The following GABRG3 variants were observed in gnomAD, a reference collection of about 807,000 sequenced individuals.
GABRG3 encodes the protein gamma-aminobutyric acid type A receptor subunit gamma3.
GABRG3 carries 25 observed loss-of-function variants against 48.8 expected under a neutral mutation model. That is an observed-to-expected ratio of 0.51 (90% CI 0.37 to 0.72). The LOEUF (loss-of-function observed/expected upper bound fraction) is 0.72. Ranked by LOEUF, GABRG3 falls within the 30% of genes least tolerant of loss-of-function variation. The pLI, the probability that GABRG3 is intolerant of heterozygous loss-of-function variation, is 0.00. For missense variants in GABRG3, 394 were observed against 577.9 expected (o/e 0.68, Z 3.26); for synonymous variants, 227 against 217.6 (o/e 1.04, Z -0.38).
chr15:27,455,114 T>A (rs546971237), intron 5 of GABRG3, among the ~76,000 whole-genome samples: 1 of 152,348 alleles, frequency 6.6e-6, no homozygotes, highest in Admixed American at 6.5e-5. Context: ...AAGAGAATAT[T>A]CTTTTCATTG....
chr15:26,999,549 G>C (rs1895406414), intron 2 of GABRG3, among the ~76,000 whole-genome samples: 1 of 152,098 alleles, frequency 6.6e-6, no homozygotes, highest in Non-Finnish European at 1.5e-5. Context: ...TACTGGGTTT[G>C]AGCATTTTGA....
rs1893346685 is a variant in GABRG3 at position 27,319,500 on chromosome 15, A to T, written c.271-7309A>T. On this transcript the variant is annotated intron_variant, in intron 3 of 9. Coordinates refer to ENST00000615808, the MANE Select transcript of GABRG3 (RefSeq NM_033223.5). This position sits in a 1 kb window ranked among gnomAD's most constrained non-coding sequence, Gnocchi z 4.4. Reference sequence around the variant, plus strand: ...AATTTGCGGATAATTGTGATACGGCAGTTGAAGACATAGAGTGTTAACATA... The same window carrying T: ...AATTTGCGGATAATTGTGATACGGCTGTTGAAGACATAGAGTGTTAACATA... Among the ~76,000 whole-genome samples, 1 of 152,238 alleles carries T rather than the reference A, an allele frequency of 6.6e-6. No homozygotes were observed. Among genetic ancestry groups the T allele is most frequent in the Non-Finnish European group, 1.5e-5 (1 of 68,040 alleles).
At chr15:27,492,425 AG>A (rs1294275666) in intron 6 of GABRG3, among the ~76,000 whole-genome samples, 1 of 152,234 alleles carries the variant, frequency 6.6e-6, no homozygotes, top group Non-Finnish European at 1.5e-5. Context: ...TAAGATGGCT[AG>A]GCATGCAGCC....
At chr15:27,398,026 G>T (rs970990357) in intron 5 of GABRG3, among the ~76,000 whole-genome samples, 2 of 151,872 alleles carry the variant, frequency 1.3e-5, no homozygotes, top group Non-Finnish European at 2.9e-5. Flanking sequence ...GGATGGTCTC[G>T]ATCCCCTGAC....
chr15:27,414,865 A>C (rs570745605), intron 5 of GABRG3, among the ~76,000 whole-genome samples: 1 of 152,168 alleles, frequency 6.6e-6, no homozygotes, highest in Admixed American at 6.5e-5. Flanking sequence ...GTAGGTGTCA[A>C]AGTCTTCAGA....
At chr15:27,422,584 A>G (rs1008208104) in intron 5 of GABRG3, among the ~76,000 whole-genome samples, 13 of 152,234 alleles carry the variant, frequency 8.5e-5, no homozygotes, top group Admixed American at 7.9e-4. Flanking sequence ...TGAGGCATCC[A>G]TGGGAGTGGG....
At chr15:27,307,134 G>T (rs986195291) in intron 3 of GABRG3, among the ~76,000 whole-genome samples, 1 of 127,556 alleles carries the variant, frequency 7.8e-6, no homozygotes, top group South Asian at 2.4e-4. Flanking sequence ...ATATAAACAT[G>T]TTTATACATA....
intron 3 of GABRG3, among the ~76,000 whole-genome samples, chr15:27,303,004 T>A (rs1446075057): frequency 2.6e-5 from 4 of 151,968 alleles, no homozygotes; most frequent in South Asian, 4.2e-4. Flanking sequence ...TTTATAGTAT[T>A]AAGTGCTTAT....
chr15:27,061,092 A>G (rs189940576), intron 3 of GABRG3, among the ~76,000 whole-genome samples: 1 of 152,368 alleles, frequency 6.6e-6, no homozygotes, highest in East Asian at 1.9e-4. Context: ...GAATGAGGCA[A>G]TTGCCATTGC....
intron 2 of GABRG3, among the ~76,000 whole-genome samples, chr15:26,979,520 A>T (rs1427875295): frequency 1.3e-5 from 2 of 152,148 alleles, no homozygotes; most frequent in Non-Finnish European, 2.9e-5. Context: ...AGTTCTCTCT[A>T]TTCCTAGTAT....
At chr15:27,152,891 C>T (rs28794553) in intron 3 of GABRG3, among the ~76,000 whole-genome samples, 7,008 of 145,166 alleles carry the variant, frequency 0.048, 258 homozygotes, top group African/African-American at 0.098. Context: ...GATGGAGTCT[C>T]GCTCTGTCGC....
chr15:27,001,315 A>G (rs7495797), intron 2 of GABRG3, among the ~76,000 whole-genome samples: 32,958 of 152,190 alleles, frequency 0.22, 4,083 homozygotes, highest in African/African-American at 0.34. Flanking sequence ...TGTCACAAGC[A>G]ATTCTTGCCT....
intron 3 of GABRG3, among the ~76,000 whole-genome samples, chr15:27,244,069 A>T (rs969847117): frequency 6.6e-6 from 1 of 152,202 alleles, no homozygotes; most frequent in Admixed American, 6.5e-5. Context: ...CTTGGAGATG[A>T]AGAGCATATG....
intron 3 of GABRG3, among the ~76,000 whole-genome samples, chr15:27,233,509 G>A (rs2140448978): frequency 6.6e-6 from 1 of 152,236 alleles, no homozygotes; most frequent in African/African-American, 2.4e-5. Context: ...GTGTGCAGAA[G>A]GCCACCTTCT....
chr15:27,336,545 T>C (rs1205606773), intron 5 of GABRG3, among the ~76,000 whole-genome samples: 1 of 152,202 alleles, frequency 6.6e-6, no homozygotes, highest in Non-Finnish European at 1.5e-5. Flanking sequence ...CTGGCAAGGA[T>C]GTGGAAAACC....
chr15:27,504,924 C>G (rs1044432302), intron 6 of GABRG3, among the ~76,000 whole-genome samples: 8 of 152,164 alleles, frequency 5.3e-5, no homozygotes, highest in African/African-American at 1.9e-4. Context: ...ATTTTGCTCA[C>G]TTTCCCTTCA....
chr15:27,268,574 C>G (rs141388271), intron 3 of GABRG3, among the ~76,000 whole-genome samples: 2 of 152,090 alleles, frequency 1.3e-5, no homozygotes, highest in African/African-American at 4.8e-5. Flanking sequence ...GATGTGGTAT[C>G]AATTTGCTTT....
At chr15:27,007,412 A>G (rs1895607170) in intron 2 of GABRG3, among the ~76,000 whole-genome samples, 1 of 152,128 alleles carries the variant, frequency 6.6e-6, no homozygotes, top group Non-Finnish European at 1.5e-5. Context: ...AATGATTTGT[A>G]TTCCTTTGGT....
chr15:27,148,927 A>G (rs559726872), intron 3 of GABRG3, among the ~76,000 whole-genome samples: 1 of 152,170 alleles, frequency 6.6e-6, no homozygotes, highest in Admixed American at 6.5e-5. Context: ...GTCCATCTTA[A>G]GATCAGGAAC....
Sources: allele counts gnomAD v4.1 joint callset (sites outside exome capture counted in the v4.1 genomes callset), GRCh38; gene constraint gnomAD v4.1.1; non-coding constraint Gnocchi (gnomAD v3.1); transcripts MANE v1.5; gene names NCBI Gene and HGNC (gene_info 2026-07-23, HGNC 2026-07-21).